LDLRAD2: variants seen among roughly 807,000 people sequenced by gnomAD.
LDLRAD2 encodes low density lipoprotein receptor class A domain containing 2.
LDLRAD2 carries 25 observed loss-of-function variants against 24.9 expected under a neutral mutation model. The ratio of observed to expected loss-of-function variants is 1.00; its 90% CI spans 0.73 to 1.40. The LOEUF (loss-of-function observed/expected upper bound fraction) is 1.40. Ranked by LOEUF, LDLRAD2 falls within the 40% of genes most tolerant of loss-of-function variation. LDLRAD2 has a pLI of 0.00. For synonymous variants in LDLRAD2, 182 were observed against 166.7 expected (o/e 1.09, Z -0.71); for missense variants, 391 against 366.2 (o/e 1.07, Z -0.55).
At chr1:21,814,260 A>G (rs2097941413) in intron 1 of LDLRAD2, 138 bp from the exon 2 acceptor site, 1 of 624,542 alleles carries the variant, frequency 1.6e-6, no homozygotes, top group East Asian at 2.9e-5. Context: ...AGATTGATTA[A>G]TCATCCCCAT....
intron 3 of LDLRAD2, among the ~76,000 whole-genome samples, chr1:21,820,731 G>A (rs913391049): frequency 9.9e-5 from 15 of 152,268 alleles, no homozygotes; most frequent in South Asian, 4.1e-4. Context: ...CCATGCCTGG[G>A]GGCATAGGAG....
Position 21,821,502 on chromosome 1 carries a change from A to T in LDLRAD2, c.696A>T (p.Arg232Ser). ...GAAGTACAGATGCCCATACCTCCAG[A>T]TCCCTGACTCCCTCCCCAGCTCTCG... ...QTGSTDAHTS[R>S]SLTPSPALGS... is the part of the protein sequence containing the mutation. The change falls in exon 4 of 5, where the codon AGA becomes AGT. Residue 232 changes from arginine (R) to serine (S), a missense_variant. By Grantham distance (110) the Arg-to-Ser change is moderately radical. Transcript: ENST00000344642. The T allele has an allele frequency of 6.2e-7, 1 of 1,613,990 alleles. No homozygotes were observed. The highest frequency in any genetic ancestry group is 8.5e-7 in the Non-Finnish European group (1 of 1,179,968).
chr1:21,814,692 G>C lies in LDLRAD2; in HGVS notation c.380G>C (p.Gly127Ala). ...CCGCCGGGGGCGCCCCGGCCCCTGG[G>C]GTCCCCACTGTGCGGCCTGAACATC... is the stretch of plus-strand genomic sequence containing the variant. ...EGPPGAPRPL[G>A]SPLCGLNIPV... The change falls in exon 2 of 5, where the codon GGG becomes GCG. Residue 127 changes from glycine to alanine, a missense_variant. Coordinates refer to ENST00000344642, the MANE Select transcript of LDLRAD2 (RefSeq NM_001013693.3). 6.4e-7 allele frequency: 1 copy of C among 1,572,094 alleles called. No individual in the cohort carries two copies. The highest frequency in any genetic ancestry group is 8.6e-7 in the Non-Finnish European group (1 of 1,159,918).
chr1:21,815,729 C>T lies in LDLRAD2; in HGVS notation c.512-214C>T, dbSNP rs577534483. On this transcript the variant is annotated intron_variant, in intron 2 of 4. Transcript: ENST00000344642. The stretch of plus-strand genomic sequence containing the variant: ...AATGGGCCAGGATGTGTAGTATTTA[C>T]GGCTGTGCATGGCACAGAAGAGGAA... Among the ~76,000 whole-genome samples the T allele has an allele frequency of 1.8e-4, 28 of 152,340 alleles. 1 individual carries two copies. In the East Asian group the frequency reaches 2.7e-3, roughly 15 times the overall value.
intron 3 of LDLRAD2, among the ~76,000 whole-genome samples, chr1:21,819,800 C>T (rs2097948345): frequency 6.6e-6 from 1 of 152,024 alleles, no homozygotes; most frequent in African/African-American, 2.4e-5. Flanking sequence ...AGACTGGGTA[C>T]TTTATAAAGA....
At position 21,823,940 on chromosome 1, in the gene LDLRAD2, C is replaced by A. The variant is rs2097960056; in HGVS notation, c.*1725C>A. On this transcript the variant is annotated 3_prime_UTR_variant, in exon 5 of 5. Transcript: ENST00000344642. ...CTCCCACTCCTGGGGCACTCGCCTG[C>A]CCCCAGCGGAGTTCAGTCCGAGATG... 3 of 760,032 alleles carry A rather than the reference C, an allele frequency of 3.9e-6. No individual in the cohort carries two copies. The highest frequency in any genetic ancestry group is 6.7e-6 in the Non-Finnish European group (3 of 450,374). 47.1% of individuals were successfully genotyped at this position (760,032 alleles called of 1,614,324 possible).
At chr1:21,820,480 GC>G (rs1431470883) in intron 3 of LDLRAD2, among the ~76,000 whole-genome samples, 3 of 133,984 alleles carry the variant, frequency 2.2e-5, no homozygotes, top group African/African-American at 8.8e-5. Flanking sequence ...CCGAGATCCT[GC>G]CACTGCACTC....
At chr1:21,815,811 G>A in intron 2 of LDLRAD2, 132 bp from the exon 3 acceptor site, 1 of 1,044,324 alleles carries the variant, frequency 9.6e-7, no homozygotes, top group Non-Finnish European at 1.4e-6. Flanking sequence ...ACTCATCCAT[G>A]TTCTCATCTG....
At chr1:21,815,620 C>T (rs1415659488) in intron 2 of LDLRAD2, among the ~76,000 whole-genome samples, 1 of 151,926 alleles carries the variant, frequency 6.6e-6, no homozygotes, top group Non-Finnish European at 1.5e-5. Context: ...AAAACAACAA[C>T]AAAAAATAAT....
rs1305322562 is a variant in LDLRAD2, at chr1:21,812,432, C to T, written c.-20C>T. ...AAGATTCTGTGGGTCTGCCCCATTG[C>T]TGGGCACAGCAGAGCCTGGATGGAG... On this transcript the variant is annotated 5_prime_UTR_variant, in exon 1 of 5. Coordinates refer to ENST00000344642, the MANE Select transcript of LDLRAD2 (RefSeq NM_001013693.3). 3.7e-6 allele frequency: 6 copies of T among 1,608,586 alleles called. No individual in the cohort carries two copies. In the East Asian group the frequency reaches 1.1e-4, roughly 30 times the overall value.
intron 3 of LDLRAD2, 109 bp downstream of exon 3, chr1:21,816,183 C>A: frequency 6.9e-7 from 1 of 1,439,008 alleles, no homozygotes; most frequent in Non-Finnish European, 9.3e-7. Flanking sequence ...GAGAGGAAAG[C>A]GGAAGTGTGG....
At position 21,814,492 on chromosome 1, in the gene LDLRAD2, G is replaced by C; in HGVS notation, c.180G>C (p.Pro60=). The change falls in exon 2 of 5, where the codon CCG becomes CCC. Residue 60 remains proline (P), a synonymous_variant. Coordinates refer to ENST00000344642, the MANE Select transcript of LDLRAD2 (RefSeq NM_001013693.3). ...CGCGCAGGTTCTACTTCGTGGCTCCGGACACCGACTGCGGGCTCTGGGTGC... is the reference window on the plus strand; with the variant it reads ...CGCGCAGGTTCTACTTCGTGGCTCCCGACACCGACTGCGGGCTCTGGGTGC... ...AASRRFYFVA[P]DTDCGLWVQA... The C allele has an allele frequency of 6.2e-7, 1 of 1,612,574 alleles. No individual in the cohort carries two copies. Among genetic ancestry groups the C allele is most frequent in the Non-Finnish European group, 8.5e-7 (1 of 1,179,738 alleles).
intron 3 of LDLRAD2, among the ~76,000 whole-genome samples, chr1:21,820,678 A>G (rs1352938658): frequency 1.3e-5 from 2 of 152,202 alleles, no homozygotes; most frequent in Admixed American, 1.3e-4. Flanking sequence ...CCATGAAGAC[A>G]TATTTGTCAT....
At chr1:21,812,756 G>A (rs1469622937) in intron 1 of LDLRAD2, among the ~76,000 whole-genome samples, 3 of 152,222 alleles carry the variant, frequency 2.0e-5, no homozygotes, top group African/African-American at 7.2e-5. Flanking sequence ...AGGAGTCTGG[G>A]AGTGGGCAGG....
At chr1:21,821,786 CTGGGCCTCCTCT>C (rs1358510047) in intron 4 of LDLRAD2, 175 bp downstream of exon 4, 80 of 1,440,222 alleles carry the variant, frequency 5.6e-5, no homozygotes, top group Non-Finnish European at 7.0e-5. Context: ...TGGCCTCCTC[CTGGGCCTCCTCT>C]GGTGCTGTTG....
In LDLRAD2 at chr1:21,814,434, G is replaced by C; in HGVS notation, c.122G>C (p.Gly41Ala). Residue 41 changes from glycine (G) to alanine (A), a missense_variant, in exon 2 of 5, where the codon GGG (glycine) becomes GCG (alanine). Gly to Ala is a moderately conservative substitution (Grantham distance 60). Transcript: ENST00000344642. ...LAELCGQTWQ[G>A]DGLLLRSHAA... ...GAACTGTGCGGGCAGACGTGGCAGG[G>C]GGACGGGCTGCTGCTGCGCTCGCAC... The C allele has an allele frequency of 6.2e-7, 1 of 1,609,050 alleles. No individual in the cohort carries two copies. Among genetic ancestry groups the C allele is most frequent in the South Asian group, 1.1e-5 (1 of 90,810 alleles).
chr1:21,812,641 T>C (rs1313583593), intron 1 of LDLRAD2, 105 bp downstream of exon 1: 8 of 926,976 alleles, frequency 8.6e-6, no homozygotes, highest in Non-Finnish European at 8.3e-6. Context: ...GGCTGAGACC[T>C]TTTGAGCTGG....
chr1:21,812,599 CTA>C, intron 1 of LDLRAD2, 63 bp downstream of exon 1: 7 of 1,362,710 alleles, frequency 5.1e-6, no homozygotes, highest in Non-Finnish European at 7.3e-6. Context: ...TCCTTAGAGA[CTA>C]TGTTTCCCCA....
chr1:21,820,522 CAAAAAA>C (rs11370390), intron 3 of LDLRAD2, among the ~76,000 whole-genome samples: 2 of 70,180 alleles, frequency 2.8e-5, no homozygotes, highest in East Asian at 4.0e-4. Flanking sequence ...GACTCCGTCT[CAAAAAA>C]AAAAAAAAAA....
Sources: gnomAD v4.1 joint callset for allele counts (sites outside exome capture counted in the v4.1 genomes callset) on GRCh38, gnomAD v4.1.1 for gene constraint, MANE v1.5 for transcripts, NCBI Gene and HGNC (gene_info 2026-07-23, HGNC 2026-07-21) for gene names.